Variants in KIAA1958 observed in about 807,000 individuals in gnomAD.
KIAA1958 encodes the protein KIAA1958.
Under a neutral mutation model 47.2 loss-of-function variants are expected in KIAA1958, and 14 were observed. The observed-to-expected ratio is 0.30, with a 90% confidence interval of 0.20 to 0.46. The LOEUF is 0.46. KIAA1958 is among the 20% of genes least tolerant of loss of function. The probability of loss-of-function intolerance (pLI) is 1.00; values close to 1 mark genes in which losing one functional copy is unlikely to be tolerated. For synonymous variants in KIAA1958, 354 were observed against 353.3 expected (o/e 1.00, Z -0.02); for missense variants, 803 against 909.2 (o/e 0.88, Z 1.50).
chr9:112,503,650 G>T (rs369486539), intron 1 of KIAA1958, among the ~76,000 whole-genome samples: 149 of 141,194 alleles, frequency 1.1e-3, no homozygotes, highest in Middle Eastern at 7.5e-3. Flanking sequence ...CAAGGGCTCC[G>T]CTAGAGTGAA....
At chr9:112,560,278 A>T (rs557560293) in intron 1 of KIAA1958, among the ~76,000 whole-genome samples, 19 of 145,322 alleles carry the variant, frequency 1.3e-4, no homozygotes, top group African/African-American at 4.9e-4. Context: ...ATAGTGCACT[A>T]TAACCTCAAA....
At chr9:112,508,781 C>T (rs1219530258) in intron 1 of KIAA1958, among the ~76,000 whole-genome samples, 1 of 151,590 alleles carries the variant, frequency 6.6e-6, no homozygotes, top group African/African-American at 2.4e-5. Flanking sequence ...CTGGTTTGTA[C>T]CATAAAGCTG....
chr9:112,667,585 GAAAA>G lies in KIAA1958; in HGVS notation c.*7521_*7524del, dbSNP rs979503716. 1 of 151,624 alleles carries G rather than the reference GAAAA, an allele frequency of 6.6e-6. No homozygotes were observed. Among genetic ancestry groups the G allele is most frequent in the African/African-American group, 2.4e-5 (1 of 41,294 alleles). The allele number at this position is 151,624 out of a possible 1,614,324, so 9.4% of individuals were successfully genotyped here. A position where few individuals can be genotyped will look rare whatever the true frequency, so the allele number is the denominator to read the frequency against. On this transcript the variant is annotated 3_prime_UTR_variant, in exon 4 of 4. Transcript: ENST00000337530. ...AGTGAGACTCCATCTCAAAAAAACA[GAAAA>G]AAAAGTAACAAATTGCCTGTAAGAA...
intron 2 of KIAA1958, among the ~76,000 whole-genome samples, chr9:112,615,586 A>G (rs920614612): frequency 1.3e-5 from 2 of 152,198 alleles, no homozygotes; most frequent in Non-Finnish European, 2.9e-5. Flanking sequence ...AGTTCTGCAG[A>G]ATATTCTAGT....
At chr9:112,532,821 G>A (rs1180115345) in intron 1 of KIAA1958, among the ~76,000 whole-genome samples, 2 of 152,188 alleles carry the variant, frequency 1.3e-5, no homozygotes, top group African/African-American at 4.8e-5. Flanking sequence ...TTCAAGAACT[G>A]TACTCAATGG....
intron 2 of KIAA1958, among the ~76,000 whole-genome samples, chr9:112,589,038 C>T (rs1482741508): frequency 2.0e-5 from 3 of 152,064 alleles, no homozygotes; most frequent in African/African-American, 7.2e-5. Flanking sequence ...CCTCAGCCTC[C>T]CAGAGCGCTA....
chr9:112,622,508 TTAAGAGA>T (rs1836526763), intron 2 of KIAA1958, among the ~76,000 whole-genome samples: 1 of 152,208 alleles, frequency 6.6e-6, no homozygotes, highest in Non-Finnish European at 1.5e-5. Flanking sequence ...TTTGAAAAAG[TTAAGAGA>T]TAGGATATTT....
chr9:112,639,313 C>G (rs1223803292), intron 2 of KIAA1958, among the ~76,000 whole-genome samples: 1 of 152,168 alleles, frequency 6.6e-6, no homozygotes, highest in Non-Finnish European at 1.5e-5. Context: ...GCTCTGCCAC[C>G]CACATACATA....
intron 1 of KIAA1958, among the ~76,000 whole-genome samples, chr9:112,546,023 T>C (rs1349354262): frequency 1.3e-5 from 2 of 152,028 alleles, no homozygotes; most frequent in East Asian, 1.9e-4. Context: ...TTTATACTTA[T>C]TTTGAGGCTG....
intron 3 of KIAA1958, among the ~76,000 whole-genome samples, chr9:112,653,719 T>G (rs112960207): frequency 0.09 from 13,617 of 151,984 alleles, 1,112 homozygotes; most frequent in African/African-American, 0.21. Context: ...GGCCAACATG[T>G]TGAAACCCCG....
At chr9:112,535,503 G>C (rs1388523196) in intron 1 of KIAA1958, among the ~76,000 whole-genome samples, 1 of 151,932 alleles carries the variant, frequency 6.6e-6, no homozygotes, top group African/African-American at 2.4e-5. Flanking sequence ...CACTTAGGCT[G>C]CTTCCATGTC....
At chr9:112,491,045 G>A (rs1833960120) in intron 1 of KIAA1958, among the ~76,000 whole-genome samples, 1 of 152,174 alleles carries the variant, frequency 6.6e-6, no homozygotes, top group Admixed American at 6.5e-5. Flanking sequence ...ATAGCTTACT[G>A]CCTCTTCAAA....
rs577480359 is a variant in KIAA1958 at position 112,665,889 on chromosome 9, C to A, written c.*5820C>A. 6.6e-6 allele frequency: 1 copy of A among 152,284 alleles called. No individual in the cohort carries two copies. Among genetic ancestry groups the A allele is most frequent in the South Asian group, 2.1e-4 (1 of 4,828 alleles). 9.4% of individuals were successfully genotyped at this position (152,284 alleles called of 1,614,324 possible). ...AAAAAGTAAAGGAGTTCCTAACTTACGCAACAATTACATGCTCAGGTTTTT... is the reference window on the plus strand; with the variant it reads ...AAAAAGTAAAGGAGTTCCTAACTTAAGCAACAATTACATGCTCAGGTTTTT... On this transcript the variant is annotated 3_prime_UTR_variant, in exon 4 of 4. Coordinates refer to ENST00000337530, the MANE Select transcript of KIAA1958 (RefSeq NM_133465.4).
At chr9:112,499,688 C>CT (rs917810043) in intron 1 of KIAA1958, among the ~76,000 whole-genome samples, 2,322 of 130,510 alleles carry the variant, frequency 0.018, 35 homozygotes, top group African/African-American at 0.026. Flanking sequence ...ACATTTTTTT[C>CT]TTTTTTTTTT....
chr9:112,573,693 A>G (rs779228579), intron 1 of KIAA1958, among the ~76,000 whole-genome samples: 6 of 152,356 alleles, frequency 3.9e-5, no homozygotes, highest in Middle Eastern at 3.4e-3. Flanking sequence ...TTGAGGGACC[A>G]TCTGAACCTC....
intron 2 of KIAA1958, among the ~76,000 whole-genome samples, chr9:112,607,525 A>G (rs1588037515): frequency 6.6e-6 from 1 of 152,024 alleles, no homozygotes; most frequent in Non-Finnish European, 1.5e-5. Flanking sequence ...AGAGAGTAGC[A>G]TAGGAGGCAG....
intron 2 of KIAA1958, among the ~76,000 whole-genome samples, chr9:112,607,584 T>A (rs184188685): frequency 2.6e-5 from 4 of 152,176 alleles, no homozygotes; most frequent in Admixed American, 2.6e-4. Flanking sequence ...AGGGAAGTGG[T>A]CTGCCGGTGA....
intron 2 of KIAA1958, among the ~76,000 whole-genome samples, chr9:112,600,855 A>G (rs963366067): frequency 2.6e-5 from 4 of 152,236 alleles, no homozygotes; most frequent in African/African-American, 9.6e-5. Flanking sequence ...GATGACTTAT[A>G]TGTCCAACAC....
intron 1 of KIAA1958, among the ~76,000 whole-genome samples, chr9:112,571,254 G>GT (rs1445458962): frequency 6.6e-6 from 1 of 152,178 alleles, no homozygotes; most frequent in Non-Finnish European, 1.5e-5. Context: ...CCCCATGTCA[G>GT]TTTATCACTC....
Sources: gnomAD v4.1 joint callset for allele counts (sites outside exome capture counted in the v4.1 genomes callset) on GRCh38, gnomAD v4.1.1 for gene constraint, MANE v1.5 for transcripts, NCBI Gene and HGNC (gene_info 2026-07-23, HGNC 2026-07-21) for gene names.